HPF1: variants seen among roughly 807,000 people sequenced by gnomAD.
HPF1 encodes UPF0609 protein C4orf27.
Under a neutral mutation model 38.8 loss-of-function variants are expected in HPF1, and 35 were observed. The ratio of observed to expected loss-of-function variants is 0.90; its 90% CI spans 0.69 to 1.19. HPF1 has a LOEUF of 1.19. HPF1 is among the 50% of genes most tolerant of loss of function. HPF1 has a pLI of 0.00. For missense variants in HPF1, 367 were observed against 405.8 expected (o/e 0.90, Z 0.82); for synonymous variants, 115 against 139.2 (o/e 0.83, Z 1.22).
At chr4:169,743,113 C>G (rs1733999242) in intron 4 of HPF1, among the ~76,000 whole-genome samples, 1 of 150,934 alleles carries the variant, frequency 6.6e-6, no homozygotes, top group African/African-American at 2.4e-5. Flanking sequence ...AAACAAAAAA[C>G]TGTCTTTTTT....
At chr4:169,757,807 C>T (rs1404827215) in intron 1 of HPF1, 23 bp downstream of exon 1, 3 of 1,556,134 alleles carry the variant, frequency 1.9e-6, no homozygotes, top group Non-Finnish European at 1.7e-6. Context: ...CCCGCGTAGC[C>T]CGCACAGCCT....
intron 5 of HPF1, among the ~76,000 whole-genome samples, chr4:169,738,307 T>C (rs1733923517): frequency 6.6e-6 from 1 of 152,198 alleles, no homozygotes; most frequent in Non-Finnish European, 1.5e-5. Flanking sequence ...ACATAACCAG[T>C]GAGCTTTTAT....
chr4:169,738,760 A>T (rs1346569406), intron 5 of HPF1, among the ~76,000 whole-genome samples: 4 of 152,236 alleles, frequency 2.6e-5, no homozygotes, highest in Non-Finnish European at 5.9e-5. Flanking sequence ...TCAGAATTAA[A>T]TGTAAAAATA....
chr4:169,731,062 C>T (rs1048220747), intron 7 of HPF1, among the ~76,000 whole-genome samples: 4 of 152,148 alleles, frequency 2.6e-5, no homozygotes, highest in Admixed American at 1.3e-4. Flanking sequence ...AAAGCTTGCC[C>T]GATCTTACAC....
rs747978215 is a variant in HPF1 at position 169,729,680 on chromosome 4, TA to T, written c.938del (p.Leu313TyrfsTer8). The T allele has an allele frequency of 1.3e-6, 2 of 1,553,466 alleles. No homozygotes were observed. The highest frequency in any genetic ancestry group is 1.3e-5 in the South Asian group (1 of 79,960). Reference sequence around the variant, plus strand: ...TCTTCAACAGATTATATGCAAGAGGTAAAAGCTGGCCAGCAACTTTATGAAA... The same window carrying T: ...TCTTCAACAGATTATATGCAAGAGGTAAAGCTGGCCAGCAACTTTATGAAA... ...HYFHKVAGQL[L>X]PLAYNLLKRN... On this transcript the variant is annotated frameshift_variant, in exon 8 of 8. Transcript: ENST00000393381. LOFTEE classifies it high-confidence loss of function.
Position 169,751,402 on chromosome 4 carries a change from CAAAAAAA to C in HPF1, c.209-684_209-678del, listed in dbSNP as rs55661737. On this transcript the variant is annotated intron_variant, in intron 2 of 7. Transcript: ENST00000393381. ...TGGGTGACAGGGTGAGGCTCTGTCT[CAAAAAAA>C]AAAAAAAAAAAAAGGTAAAAAACAT... is the stretch of plus-strand genomic sequence containing the variant. Among the ~76,000 whole-genome samples the C allele has an allele frequency of 1.3e-4, 9 of 71,156 alleles. No individual in the cohort carries two copies. The Admixed American group carries it at 1.5e-3, about 12-fold the overall frequency. The allele number at this position is 71,156 out of a possible 152,430, so 46.7% of individuals were successfully genotyped here.
chr4:169,735,132 A>AG (rs1406058161), intron 6 of HPF1, among the ~76,000 whole-genome samples: 1 of 147,520 alleles, frequency 6.8e-6, no homozygotes, highest in African/African-American at 2.7e-5. Flanking sequence ...CATCTCAAAA[A>AG]AAAAAAAAAA....
chr4:169,739,003 GA>G (rs971333210), intron 5 of HPF1, among the ~76,000 whole-genome samples: 6 of 141,998 alleles, frequency 4.2e-5, no homozygotes, highest in African/African-American at 1.3e-4. Flanking sequence ...GTGGGGGGAG[GA>G]GGGAGGGATA....
At chr4:169,737,307 A>AC (rs56931318) in intron 6 of HPF1, among the ~76,000 whole-genome samples, 10 of 147,860 alleles carry the variant, frequency 6.8e-5, no homozygotes, top group South Asian at 6.4e-4. Flanking sequence ...AAAAAAAAAA[A>AC]CAAACAAAAA....
chr4:169,744,421 G>A (rs1475954215), intron 4 of HPF1, among the ~76,000 whole-genome samples: 2 of 152,170 alleles, frequency 1.3e-5, no homozygotes, highest in Non-Finnish European at 2.9e-5. Flanking sequence ...ACACTTTACT[G>A]TGTGATGCTT....
chr4:169,748,220 G>T (rs1004884899), intron 4 of HPF1, among the ~76,000 whole-genome samples: 3 of 152,168 alleles, frequency 2.0e-5, no homozygotes, highest in Admixed American at 1.3e-4. Flanking sequence ...GAACACCTGA[G>T]GTCAAGTATT....
rs150576784 is a variant in HPF1 at position 169,750,358 on chromosome 4, A to C, written c.398+178T>G. 2.1e-3 allele frequency: 904 copies of C among 427,178 alleles called. 5 individuals are homozygous for C. Among genetic ancestry groups the C allele is most frequent in the Non-Finnish European group, 2.6e-3 (619 of 242,706 alleles). 26.5% of individuals were successfully genotyped at this position (427,178 alleles called of 1,614,324 possible). A position where few individuals can be genotyped will look rare whatever the true frequency, so the allele number is the denominator to read the frequency against. On this transcript the variant is annotated intron_variant, in intron 3 of 7. Coordinates refer to ENST00000393381, the MANE Select transcript of HPF1 (RefSeq NM_017867.3). Reference sequence around the variant, plus strand: ...AGGAAAAACAAGTGAGATTAAACCTAAAGAGTTTACCCATCCTAGGGAAGG... The same window carrying C: ...AGGAAAAACAAGTGAGATTAAACCTCAAGAGTTTACCCATCCTAGGGAAGG...
chr4:169,742,038 A>G lies in HPF1; in HGVS notation c.567T>C (p.Asp189=). ...CTCTGGCTGCTTCTGTGAGTTTTTC[A>G]TCTATGTTTTTCAAGAGATTGATTT... The part of the protein sequence containing the change: ...KKKINLLKNI[D]EKLTEAAREL... The change falls in exon 5 of 8, where the codon GAT becomes GAC. Residue 189 remains aspartate, a synonymous_variant. Coordinates refer to ENST00000393381, the MANE Select transcript of HPF1 (RefSeq NM_017867.3). The G allele has an allele frequency of 6.2e-7, 1 of 1,611,280 alleles. No homozygotes were observed.
rs191194314 is a variant in HPF1 at position 169,731,309 on chromosome 4, C to T, written c.909+395G>A. Among the ~76,000 whole-genome samples, 1,139 of 152,220 alleles carry T rather than the reference C, an allele frequency of 7.5e-3. 12 individuals are homozygous for T. The highest frequency in any genetic ancestry group is 8.2e-3 in the Non-Finnish European group (555 of 68,022). On this transcript the variant is annotated intron_variant, in intron 7 of 7. Coordinates refer to ENST00000393381, the MANE Select transcript of HPF1 (RefSeq NM_017867.3). The stretch of plus-strand genomic sequence containing the variant: ...AATTTAAGCACAATAACAAATACCC[C>T]CACCACAATGGAAACGAAATGGAGC...
At chr4:169,733,706 G>A (rs1733858322) in intron 6 of HPF1, among the ~76,000 whole-genome samples, 1 of 152,058 alleles carries the variant, frequency 6.6e-6, no homozygotes, top group Non-Finnish European at 1.5e-5. Context: ...GACCAGCCTG[G>A]GCAATGTGGT....
chr4:169,733,652 T>C (rs2150288822), intron 6 of HPF1, among the ~76,000 whole-genome samples: 1 of 152,140 alleles, frequency 6.6e-6, no homozygotes, highest in African/African-American at 2.4e-5. Flanking sequence ...GTGGGAGGAT[T>C]TGGGAGGCTG....
At chr4:169,749,794 A>G (rs988142595) in intron 3 of HPF1, among the ~76,000 whole-genome samples, 5 of 151,932 alleles carry the variant, frequency 3.3e-5, no homozygotes, top group Admixed American at 6.6e-5. Context: ...ATTCACGTAT[A>G]TAACCAAACC....
chr4:169,741,938 C>T lies in HPF1; in HGVS notation c.648+19G>A, dbSNP rs193144963. 3.7e-6 allele frequency: 6 copies of T among 1,605,456 alleles called. No homozygotes were observed. The East Asian group carries it at 1.1e-4, about 30-fold the overall frequency. On this transcript the variant is annotated intron_variant, in intron 5 of 7. Transcript: ENST00000393381. ...AAATATGCTATAGCAAAACAGAGAC[C>T]AACAGGTTGAAATCATACTTTCTTA... is the stretch of plus-strand genomic sequence containing the variant.
At chr4:169,741,775 C>T (rs766618020) in intron 5 of HPF1, among the ~76,000 whole-genome samples, 182 bp downstream of exon 5, 3 of 152,152 alleles carry the variant, frequency 2.0e-5, no homozygotes, top group Non-Finnish European at 4.4e-5. Flanking sequence ...CCCAAAGGAG[C>T]CATCTGACCC....
Sources: allele counts gnomAD v4.1 joint callset (sites outside exome capture counted in the v4.1 genomes callset), GRCh38; gene constraint gnomAD v4.1.1; transcripts MANE v1.5; gene names NCBI Gene and HGNC (gene_info 2026-07-23, HGNC 2026-07-21).